AMPH: variants seen among roughly 807,000 people sequenced by gnomAD.
AMPH encodes amphiphysin.
AMPH carries 49 observed loss-of-function variants against 99.1 expected under a neutral mutation model. That is an observed-to-expected ratio of 0.49 (90% CI 0.39 to 0.63). AMPH has a LOEUF of 0.63. Among genes scored for constraint, AMPH ranks in the 20% least tolerant of loss-of-function variants. The pLI is 0.00. For missense variants in AMPH, 759 were observed against 863.4 expected (o/e 0.88, Z 1.52); for synonymous variants, 314 against 317.3 (o/e 0.99, Z 0.11).
chr7:38,574,313 C>A (rs1792153222), intron 1 of AMPH, among the ~76,000 whole-genome samples: 2 of 152,214 alleles, frequency 1.3e-5, no homozygotes, highest in African/African-American at 4.8e-5. Flanking sequence ...TTTATCAAAA[C>A]CTCTCCACTG....
intron 1 of AMPH, among the ~76,000 whole-genome samples, chr7:38,619,640 C>T (rs1394774548): frequency 6.6e-6 from 1 of 152,156 alleles, no homozygotes; most frequent in African/African-American, 2.4e-5. Flanking sequence ...TAAAATGAGC[C>T]TCAACAAATT....
chr7:38,389,710 G>A (rs1784437614), intron 20 of AMPH, 94 bp downstream of exon 20: 4 of 1,004,626 alleles, frequency 4.0e-6, no homozygotes, highest in Non-Finnish European at 6.2e-6. Flanking sequence ...TAGCATCTCA[G>A]AAAATAGAAA....
chr7:38,400,560 A>G (rs1213378212), intron 17 of AMPH, among the ~76,000 whole-genome samples: 1 of 152,252 alleles, frequency 6.6e-6, no homozygotes, highest in Non-Finnish European at 1.5e-5. Flanking sequence ...AAAATAGGGA[A>G]ACACAACTGG....
intron 4 of AMPH, among the ~76,000 whole-genome samples, chr7:38,491,594 G>A (rs1023858062): frequency 2.0e-5 from 3 of 152,152 alleles, no homozygotes; most frequent in African/African-American, 7.2e-5. Flanking sequence ...TATTGGGAAA[G>A]GTCTTACCAT....
intron 4 of AMPH, among the ~76,000 whole-genome samples, chr7:38,492,920 T>A (rs1239413887): frequency 3.3e-5 from 5 of 152,216 alleles, no homozygotes; most frequent in Non-Finnish European, 4.4e-5. Context: ...CAACATGATG[T>A]TGAAATACTG....
intron 1 of AMPH, among the ~76,000 whole-genome samples, chr7:38,602,057 C>G (rs964754676): frequency 6.6e-6 from 1 of 152,186 alleles, no homozygotes; most frequent in Admixed American, 6.5e-5. Flanking sequence ...GTCCTTCAAC[C>G]TGGTCATCTC....
chr7:38,422,134 T>G (rs1785600106), intron 16 of AMPH, among the ~76,000 whole-genome samples: 1 of 152,252 alleles, frequency 6.6e-6, no homozygotes, highest in Non-Finnish European at 1.5e-5. Flanking sequence ...TTAAGTTATA[T>G]TCACATGGAA....
chr7:38,559,506 G>A (rs1356223660), intron 1 of AMPH, among the ~76,000 whole-genome samples: 1 of 152,160 alleles, frequency 6.6e-6, no homozygotes, highest in Non-Finnish European at 1.5e-5. Flanking sequence ...ATGACCAGCT[G>A]GATCCCTGAG....
intron 2 of AMPH, among the ~76,000 whole-genome samples, chr7:38,515,299 G>C (rs1411306059): frequency 6.6e-6 from 1 of 152,180 alleles, no homozygotes; most frequent in Non-Finnish European, 1.5e-5. Context: ...CCCCAATGTT[G>C]GAGGAGGGAC....
intron 12 of AMPH, among the ~76,000 whole-genome samples, chr7:38,435,117 G>A (rs1427675335): frequency 3.3e-5 from 5 of 152,170 alleles, no homozygotes; most frequent in Admixed American, 2.6e-4. Context: ...TAATACAGGA[G>A]GCTTCCTGGA....
intron 20 of AMPH, among the ~76,000 whole-genome samples, chr7:38,385,555 T>A (rs1784328566): frequency 6.6e-6 from 1 of 152,250 alleles, no homozygotes; most frequent in Non-Finnish European, 1.5e-5. Flanking sequence ...TTTGTTTTTA[T>A]AATACCTAAT....
intron 17 of AMPH, among the ~76,000 whole-genome samples, chr7:38,394,621 G>A (rs74839340): frequency 0.058 from 8,836 of 152,254 alleles, 356 homozygotes; most frequent in East Asian, 0.19. Context: ...AACTTACCAT[G>A]CCAAAGGAAA....
intron 1 of AMPH, among the ~76,000 whole-genome samples, chr7:38,570,355 T>A (rs1389367823): frequency 6.6e-6 from 1 of 152,118 alleles, no homozygotes; most frequent in Non-Finnish European, 1.5e-5. Flanking sequence ...TTTGTATCAA[T>A]CAGAAAAGCA....
chr7:38,494,360 A>G (rs1584165425), intron 4 of AMPH, 73 bp downstream of exon 4: 20 of 1,271,356 alleles, frequency 1.6e-5, no homozygotes, highest in Non-Finnish European at 2.3e-5. Context: ...TGTGAAGTGG[A>G]AAGAGCAAGT....
intron 1 of AMPH, among the ~76,000 whole-genome samples, chr7:38,568,291 C>T (rs573833326): frequency 1.6e-4 from 24 of 152,224 alleles, no homozygotes; most frequent in African/African-American, 5.8e-4. Context: ...TGGTGAAACC[C>T]CGTCTCTACT....
intron 1 of AMPH, among the ~76,000 whole-genome samples, chr7:38,611,565 T>A (rs1264358001): frequency 6.6e-6 from 1 of 152,244 alleles, no homozygotes; most frequent in Non-Finnish European, 1.5e-5. Context: ...GATTCACCTC[T>A]ACATACAGCC....
intron 1 of AMPH, among the ~76,000 whole-genome samples, chr7:38,549,541 G>A (rs1005395955): frequency 1.3e-5 from 2 of 152,200 alleles, no homozygotes; most frequent in African/African-American, 2.4e-5. Context: ...AGTTATTTCT[G>A]CCCTGCTAAA....
At chr7:38,622,733 G>A (rs576733190) in intron 1 of AMPH, among the ~76,000 whole-genome samples, 1 of 152,312 alleles carries the variant, frequency 6.6e-6, no homozygotes, top group African/African-American at 2.4e-5. Context: ...TCTTGGGGGA[G>A]GGGGAATTTG....
At chr7:38,488,483 G>A (rs1194760431) in intron 5 of AMPH, among the ~76,000 whole-genome samples, 3 of 146,186 alleles carry the variant, frequency 2.1e-5, no homozygotes, top group Non-Finnish European at 3.0e-5. Flanking sequence ...ATGAAAACAT[G>A]GACACGGAGT....
Sources: allele counts gnomAD v4.1 joint callset (sites outside exome capture counted in the v4.1 genomes callset), GRCh38; gene constraint gnomAD v4.1.1; transcripts MANE v1.5; gene names NCBI Gene and HGNC (gene_info 2026-07-23, HGNC 2026-07-21).